CEP164: variants seen among roughly 807,000 people sequenced by gnomAD.
The protein encoded by CEP164 is centrosomal protein of 164 kDa.
In CEP164, 162 loss-of-function variants were observed where a neutral mutation model predicts 182.7. The ratio of observed to expected loss-of-function variants is 0.89; its 90% confidence interval spans 0.78 to 1.01. The LOEUF (loss-of-function observed/expected upper bound fraction) is 1.01. CEP164 is among the 50% of genes least tolerant of loss of function. The pLI is 0.00. For missense variants in CEP164, 1,735 were observed against 1,790.4 expected (o/e 0.97, Z 0.56); for synonymous variants, 661 against 690.0 (o/e 0.96, Z 0.66).
intron 8 of CEP164, among the ~76,000 whole-genome samples, chr11:117,367,749 A>G (rs867358318): frequency 2.0e-5 from 3 of 152,152 alleles, no homozygotes; most frequent in Admixed American, 1.3e-4. Flanking sequence ...AGATTATTTC[A>G]TCACCCAGGC....
chr11:117,324,367 A>G (rs2035355163), upstream of CEP164, among the ~76,000 whole-genome samples: 3 of 151,954 alleles, frequency 2.0e-5, no homozygotes, highest in East Asian at 5.8e-4. Flanking sequence ...GAATCGCTTG[A>G]ACCCAGGAGG....
At chr11:117,352,629 CAG>C (rs1226782475) in intron 5 of CEP164, among the ~76,000 whole-genome samples, 1 of 152,196 alleles carries the variant, frequency 6.6e-6, no homozygotes, top group Non-Finnish European at 1.5e-5. Flanking sequence ...CTCTGTCACC[CAG>C]GCTGGAGTAC....
chr11:117,374,179 A>G (rs1811499190), intron 10 of CEP164, among the ~76,000 whole-genome samples: 1 of 152,138 alleles, frequency 6.6e-6, no homozygotes, highest in African/African-American at 2.4e-5. Flanking sequence ...CTAGGAGGTT[A>G]GAGACTGGTG....
upstream of CEP164, among the ~76,000 whole-genome samples, chr11:117,326,894 C>G (rs758907960): frequency 1.6e-4 from 24 of 152,186 alleles, 1 homozygote; most frequent in Admixed American, 6.6e-5. Context: ...ATGGCCAGAA[C>G]TTTCTTTGCC....
chr11:117,381,682 C>T lies in CEP164; in HGVS notation c.1410-19C>T, dbSNP rs2043331006. The T allele has an allele frequency of 6.2e-7, 1 of 1,600,402 alleles. No homozygotes were observed. The highest frequency in any genetic ancestry group is 1.3e-5 in the African/African-American group (1 of 74,814). On this transcript the variant is annotated intron_variant, in intron 12 of 32. Coordinates refer to ENST00000278935, the MANE Select transcript of CEP164 (RefSeq NM_014956.5). The stretch of plus-strand genomic sequence containing the variant: ...CAAATGGAGGGGCCTGACTCTGCTG[C>T]TCTGCCCGGCCTGACCAGGTTATCT...
At chr11:117,355,249 G>A (rs1370974945) in intron 5 of CEP164, 11 of 1,289,718 alleles carry the variant, frequency 8.5e-6, no homozygotes, top group African/African-American at 1.5e-5. Flanking sequence ...AGCAGGGTCT[G>A]GAGAAACTCC....
chr11:117,328,359 G>A (rs1461118426), intron 1 of CEP164, among the ~76,000 whole-genome samples: 1 of 152,220 alleles, frequency 6.6e-6, no homozygotes, highest in African/African-American at 2.4e-5. Flanking sequence ...TCCAAATCCG[G>A]GGCTAGCCCA....
Position 117,409,415 on chromosome 11 carries a change from C to T in CEP164, c.3749-203C>T, listed in dbSNP as rs973618438. 2 of 599,420 alleles carry T rather than the reference C, an allele frequency of 3.3e-6. No homozygotes were observed. Among genetic ancestry groups the T allele is most frequent in the Non-Finnish European group, 5.8e-6 (2 of 342,862 alleles). The allele number at this position is 599,420 out of a possible 1,614,324, so 37.1% of individuals were successfully genotyped here. On this transcript the variant is annotated intron_variant, in intron 29 of 32. Transcript: ENST00000278935. This position sits in a 1 kb window ranked among gnomAD's most constrained non-coding sequence, Gnocchi z 4.4. The stretch of plus-strand genomic sequence containing the variant: ...TCACCCAGCACCTTGCCCTGGAAAC[C>T]TGTTTCTCATGGCCAGCTTCTCACT...
chr11:117,379,594 T>G (rs1441882544), intron 11 of CEP164, among the ~76,000 whole-genome samples: 7 of 152,136 alleles, frequency 4.6e-5, no homozygotes, highest in Non-Finnish European at 1.0e-4. Flanking sequence ...ATGGCGTGCC[T>G]TCTTTGGGTC....
Position 117,394,555 on chromosome 11 carries a change from G to A in CEP164, c.2760+62G>A, listed in dbSNP as rs2045178679. The stretch of plus-strand genomic sequence containing the variant: ...CCTCCATGCACAGTAGGAAGGTGCT[G>A]GGAGCAGACGCATGGCCCCAGCAGG... On this transcript the variant is annotated intron_variant, in intron 21 of 32. Coordinates refer to ENST00000278935, the MANE Select transcript of CEP164 (RefSeq NM_014956.5). The surrounding 1 kb of genome is among the most constrained non-coding windows in gnomAD (Gnocchi z 4.0). 6.3e-7 allele frequency: 1 copy of A among 1,581,360 alleles called. No homozygotes were observed. The highest frequency in any genetic ancestry group is 8.6e-7 in the Non-Finnish European group (1 of 1,162,262).
chr11:117,380,541 G>C, intron 11 of CEP164, 73 bp from the exon 12 acceptor site: 1 of 1,242,014 alleles, frequency 8.1e-7, no homozygotes, highest in South Asian at 1.3e-5. Context: ...CTAAGCTTGA[G>C]AGCCAGCAGG....
Position 117,409,068 on chromosome 11 carries a change from T to C in CEP164, c.3748+40T>C. Reference sequence around the variant, plus strand: ...TGCGGGGTGAGGACCATGGTATCCATGGAATGGGAGGAACTTGGGGAATAG... The same window carrying C: ...TGCGGGGTGAGGACCATGGTATCCACGGAATGGGAGGAACTTGGGGAATAG... On this transcript the variant is annotated intron_variant, in intron 29 of 32. Coordinates refer to ENST00000278935, the MANE Select transcript of CEP164 (RefSeq NM_014956.5). This position sits in a 1 kb window ranked among gnomAD's most constrained non-coding sequence, Gnocchi z 4.4. The C allele has an allele frequency of 6.2e-7, 1 of 1,612,600 alleles. No homozygotes were observed.
At position 117,409,787 on chromosome 11, in the gene CEP164, T is replaced by A; in HGVS notation, c.3918T>A (p.Pro1306=). 2 of 1,612,934 alleles carry A rather than the reference T, an allele frequency of 1.2e-6. No individual in the cohort carries two copies. The highest frequency in any genetic ancestry group is 1.7e-6 in the Non-Finnish European group (2 of 1,179,584). Residue 1306 remains proline (P), a synonymous_variant, in exon 30 of 33, where the codon CCT becomes CCA. Coordinates refer to ENST00000278935, the MANE Select transcript of CEP164 (RefSeq NM_014956.5). This position sits in a 1 kb window ranked among gnomAD's most constrained non-coding sequence, Gnocchi z 4.4. The part of the protein sequence containing the change: ...SMPAQLPPRD[P]KSTPTPTYYG... Reference sequence around the variant, plus strand: ...CAGCCCAGCTCCCTCCCCGGGACCCTAAGAGCACCCCCACCCCCACCTACT... The same window carrying A: ...CAGCCCAGCTCCCTCCCCGGGACCCAAAGAGCACCCCCACCCCCACCTACT...
At chr11:117,344,906 C>CG (rs559583180) in intron 4 of CEP164, among the ~76,000 whole-genome samples, 374 of 150,696 alleles carry the variant, frequency 2.5e-3, no homozygotes, top group African/African-American at 8.1e-3. Flanking sequence ...CCAGCATGGG[C>CG]GACAGAGCGA....
At position 117,394,611 on chromosome 11, in the gene CEP164, C is replaced by A; in HGVS notation, c.2760+118C>A. 1 of 1,330,362 alleles carries A rather than the reference C, an allele frequency of 7.5e-7. No individual in the cohort carries two copies. The highest frequency in any genetic ancestry group is 1.0e-6 in the Non-Finnish European group (1 of 979,542). 82.4% of individuals were successfully genotyped at this position (1,330,362 alleles called of 1,614,324 possible). On this transcript the variant is annotated intron_variant, in intron 21 of 32. Coordinates refer to ENST00000278935, the MANE Select transcript of CEP164 (RefSeq NM_014956.5). The surrounding 1 kb of genome is among the most constrained non-coding windows in gnomAD (Gnocchi z 4.0). ...GCCTGACAGCTTCTGGAGTGAGAGT[C>A]TCTCACTGGCCATCTCCAAGCTGGG...
intron 8 of CEP164, among the ~76,000 whole-genome samples, chr11:117,365,738 C>T (rs1255731092): frequency 6.6e-6 from 1 of 152,024 alleles, no homozygotes; most frequent in Admixed American, 6.6e-5. Context: ...CGCCACCATG[C>T]CTGGCTAATT....
chr11:117,412,341 T>C lies in CEP164; in HGVS notation c.*173T>C. The C allele has an allele frequency of 1.8e-6, 1 of 568,956 alleles. No homozygotes were observed. Among genetic ancestry groups the C allele is most frequent in the Non-Finnish European group, 3.1e-6 (1 of 322,424 alleles). 35.2% of individuals were successfully genotyped at this position (568,956 alleles called of 1,614,324 possible). On this transcript the variant is annotated 3_prime_UTR_variant, in exon 33 of 33. Coordinates refer to ENST00000278935, the MANE Select transcript of CEP164 (RefSeq NM_014956.5). ...ACAGTAAAGCCACACATTCTGTGAC[T>C]ATATAACCTATCTCAGGCTAAAATG...
chr11:117,346,281 T>G (rs2038876802), intron 4 of CEP164, among the ~76,000 whole-genome samples: 1 of 151,960 alleles, frequency 6.6e-6, no homozygotes, highest in African/African-American at 2.4e-5. Context: ...TCACTTTTTT[T>G]TTTTTGAGAT....
At chr11:117,355,999 GAGCAGCAGC>G (rs6144525) in intron 5 of CEP164, 4 of 1,122,636 alleles carry the variant, frequency 3.6e-6, no homozygotes, top group South Asian at 2.1e-5. Flanking sequence ...CTGACTTGGA[GAGCAGCAGC>G]AGCAGCAGCA....
Sources: gnomAD v4.1 joint callset for allele counts (sites outside exome capture counted in the v4.1 genomes callset) on GRCh38, gnomAD v4.1.1 for gene constraint, Gnocchi (gnomAD v3.1) non-coding constraint, MANE v1.5 for transcripts, NCBI Gene and HGNC (gene_info 2026-07-23, HGNC 2026-07-21) for gene names.